Variants in ATP8A2 observed in about 807,000 individuals in gnomAD.
ATP8A2 encodes the protein phospholipid-transporting ATPase IB.
In ATP8A2, 100 loss-of-function variants were observed where a neutral mutation model predicts 165.6. The observed-to-expected ratio is 0.60, with a 90% CI of 0.51 to 0.71. ATP8A2 has a LOEUF of 0.71. Among genes scored for constraint, ATP8A2 ranks in the 30% least tolerant of loss-of-function variants. The pLI is 0.00. For synonymous variants in ATP8A2, 543 were observed against 548.8 expected (o/e 0.99, Z 0.15); for missense variants, 1,227 against 1,479.5 (o/e 0.83, Z 2.80).
chr13:25,820,748 TAAATA>T (rs1951159356), intron 27 of ATP8A2, among the ~76,000 whole-genome samples: 1 of 152,154 alleles, frequency 6.6e-6, no homozygotes, highest in Admixed American at 6.5e-5. Context: ...GTCTCATGAA[TAAATA>T]AAATAAAAGC....
chr13:25,664,104 G>A (rs1393594763), intron 24 of ATP8A2, among the ~76,000 whole-genome samples: 1 of 152,134 alleles, frequency 6.6e-6, no homozygotes, highest in Non-Finnish European at 1.5e-5. Flanking sequence ...AGCTCCTCGG[G>A]AGCCTGAGGT....
chr13:25,394,954 C>T (rs931793787), intron 1 of ATP8A2, among the ~76,000 whole-genome samples: 2 of 152,126 alleles, frequency 1.3e-5, no homozygotes, highest in Non-Finnish European at 2.9e-5. Flanking sequence ...CCCTTAGAAG[C>T]CTTCCCTTTT....
intron 25 of ATP8A2, among the ~76,000 whole-genome samples, chr13:25,719,575 C>G (rs2043329540): frequency 6.6e-6 from 1 of 152,090 alleles, no homozygotes; most frequent in Non-Finnish European, 1.5e-5. Context: ...TAAAATTAAG[C>G]TGTTGTTATT....
intron 2 of ATP8A2, among the ~76,000 whole-genome samples, chr13:25,477,098 C>T (rs2036016564): frequency 6.6e-6 from 1 of 152,134 alleles, no homozygotes; most frequent in Non-Finnish European, 1.5e-5. Flanking sequence ...TCTAAGGAAA[C>T]AGCAAATGTC....
At chr13:25,918,281 G>A (rs898737510) in intron 33 of ATP8A2, among the ~76,000 whole-genome samples, 1 of 152,200 alleles carries the variant, frequency 6.6e-6, no homozygotes, top group Non-Finnish European at 1.5e-5. Flanking sequence ...CCTGGGAAGA[G>A]CATCAGTTAT....
chr13:25,871,910 A>T (rs867309334), intron 33 of ATP8A2, among the ~76,000 whole-genome samples: 11 of 152,276 alleles, frequency 7.2e-5, no homozygotes, highest in South Asian at 2.1e-4. Context: ...AAAGACAGGC[A>T]TATTTAAATG....
intron 33 of ATP8A2, among the ~76,000 whole-genome samples, chr13:25,926,217 G>GC (rs1385124755): frequency 6.6e-6 from 1 of 152,086 alleles, no homozygotes; most frequent in African/African-American, 2.4e-5. Flanking sequence ...TGTACTCTGT[G>GC]CTCCACCATG....
chr13:25,947,495 G>A (rs966089669), intron 33 of ATP8A2, among the ~76,000 whole-genome samples: 11 of 152,142 alleles, frequency 7.2e-5, no homozygotes, highest in African/African-American at 2.7e-4. Context: ...AGTCTTCAGT[G>A]TATGATTCCT....
At chr13:25,536,266 C>T (rs2038280202) in intron 6 of ATP8A2, among the ~76,000 whole-genome samples, 1 of 139,960 alleles carries the variant, frequency 7.1e-6, no homozygotes, top group Non-Finnish European at 1.6e-5. Context: ...TGCCCACCAC[C>T]ATGCCCGGTT....
intron 22 of ATP8A2, among the ~76,000 whole-genome samples, chr13:25,581,460 G>A (rs2039775473): frequency 6.6e-6 from 1 of 152,126 alleles, no homozygotes; most frequent in Admixed American, 6.6e-5. Context: ...CTCCTCCTTT[G>A]TTAAATGTGA....
rs528918391 is a variant in ATP8A2 at position 25,478,781 on chromosome 13, C to T, written c.221+9660C>T. ...AAAAGACTTCAGCTTGAGAGTGGAC[C>T]TAACTCTCATGTAAGTTCTCTGTCT... On this transcript the variant is annotated intron_variant, in intron 2 of 36. Coordinates refer to ENST00000381655, the MANE Select transcript of ATP8A2 (RefSeq NM_016529.6). 3.9e-5 allele frequency among the ~76,000 whole-genome samples: 6 copies of T among 152,200 alleles called. No homozygotes were observed. The East Asian group carries it at 9.7e-4, about 25-fold the overall frequency.
At chr13:25,636,081 C>T (rs961779066) in intron 24 of ATP8A2, among the ~76,000 whole-genome samples, 5 of 152,026 alleles carry the variant, frequency 3.3e-5, no homozygotes, top group Admixed American at 3.3e-4. Flanking sequence ...TGATGGAAGT[C>T]CACAGTGAAG....
intron 10 of ATP8A2, 91 bp from the exon 11 acceptor site, chr13:25,551,247 T>A: frequency 8.1e-7 from 1 of 1,240,936 alleles, no homozygotes; most frequent in Non-Finnish European, 1.1e-6. Context: ...ACTTGTTGGT[T>A]GTTAAATATG....
At chr13:25,911,296 T>G (rs190139431) in intron 33 of ATP8A2, among the ~76,000 whole-genome samples, 1 of 152,302 alleles carries the variant, frequency 6.6e-6, no homozygotes, top group Non-Finnish European at 1.5e-5. Context: ...CTGGGAATTA[T>G]TGTAATGCCT....
intron 24 of ATP8A2, among the ~76,000 whole-genome samples, chr13:25,619,361 A>C (rs1426333212): frequency 6.6e-6 from 1 of 152,210 alleles, no homozygotes; most frequent in African/African-American, 2.4e-5. Flanking sequence ...GCTCCTCTTC[A>C]TAGGAGGGCA....
intron 24 of ATP8A2, among the ~76,000 whole-genome samples, chr13:25,671,039 AC>A (rs1165995383): frequency 6.6e-6 from 1 of 152,228 alleles, no homozygotes; most frequent in East Asian, 1.9e-4. Flanking sequence ...AAACGGAGGG[AC>A]CGGCTGAAGC....
intron 27 of ATP8A2, among the ~76,000 whole-genome samples, chr13:25,799,123 A>G (rs1287913198): frequency 2.0e-5 from 3 of 152,212 alleles, no homozygotes; most frequent in East Asian, 1.9e-4. Context: ...TTATTTTTAT[A>G]TATTGAATTG....
intron 27 of ATP8A2, among the ~76,000 whole-genome samples, chr13:25,800,750 G>A (rs1442340007): frequency 7.1e-6 from 1 of 141,262 alleles, no homozygotes; most frequent in Non-Finnish European, 1.5e-5. Flanking sequence ...CTGCCTCCTT[G>A]TCTCCACCCA....
chr13:25,609,772 C>A (rs1274730578), intron 24 of ATP8A2, among the ~76,000 whole-genome samples: 2 of 148,376 alleles, frequency 1.3e-5, no homozygotes, highest in East Asian at 3.9e-4. Context: ...TCACTGCATC[C>A]ACACCAACAC....
Sources: gnomAD v4.1 joint callset for allele counts (sites outside exome capture counted in the v4.1 genomes callset) on GRCh38, gnomAD v4.1.1 for gene constraint, MANE v1.5 for transcripts, NCBI Gene and HGNC (gene_info 2026-07-23, HGNC 2026-07-21) for gene names.